BCAS3: variants seen among roughly 807,000 people sequenced by gnomAD.
BCAS3 encodes BCAS3 microtubule associated cell migration factor.
Under a neutral mutation model 116.1 loss-of-function variants are expected in BCAS3, and 53 were observed. That is an observed-to-expected ratio of 0.46 (90% CI 0.37 to 0.57). The LOEUF (loss-of-function observed/expected upper bound fraction) is 0.57. BCAS3 is among the 20% of genes least tolerant of loss of function. The pLI is 0.00. For missense variants in BCAS3, 917 were observed against 1,165.4 expected (o/e 0.79, Z 3.10); for synonymous variants, 391 against 408.2 (o/e 0.96, Z 0.51).
At chr17:60,852,757 A>G (rs1174644852) in intron 7 of BCAS3, among the ~76,000 whole-genome samples, 1 of 152,236 alleles carries the variant, frequency 6.6e-6, no homozygotes, top group Non-Finnish European at 1.5e-5. Flanking sequence ...ATTGGATACC[A>G]CAGTTTTAAA....
chr17:60,937,498 G>A (rs1428605385), intron 13 of BCAS3, among the ~76,000 whole-genome samples: 7 of 151,748 alleles, frequency 4.6e-5, no homozygotes, highest in African/African-American at 1.5e-4. Context: ...TTAAGTATAC[G>A]GCTTGTTGAA....
At chr17:60,877,037 A>G (rs1367437970) in intron 9 of BCAS3, among the ~76,000 whole-genome samples, 1 of 152,136 alleles carries the variant, frequency 6.6e-6, no homozygotes, top group Non-Finnish European at 1.5e-5. Context: ...AATGTTTGTG[A>G]TAACAGTATG....
At chr17:61,360,885 A>C (rs995711638) in intron 22 of BCAS3, among the ~76,000 whole-genome samples, 1 of 152,230 alleles carries the variant, frequency 6.6e-6, no homozygotes, top group Non-Finnish European at 1.5e-5. Context: ...TGCAGTGAGA[A>C]AGTAACAAGA....
At chr17:60,819,174 A>T (rs1327792928) in intron 7 of BCAS3, among the ~76,000 whole-genome samples, 1 of 152,112 alleles carries the variant, frequency 6.6e-6, no homozygotes, top group Non-Finnish European at 1.5e-5. Flanking sequence ...ATTTTTCATG[A>T]CCCCAGTTCA....
At chr17:60,970,220 G>T (rs1369277810) in intron 14 of BCAS3, among the ~76,000 whole-genome samples, 1 of 152,088 alleles carries the variant, frequency 6.6e-6, no homozygotes, top group East Asian at 1.9e-4. Flanking sequence ...GGTATATGGA[G>T]CTGTACTATT....
At chr17:60,789,505 T>C (rs1169076873) in intron 6 of BCAS3, among the ~76,000 whole-genome samples, 1 of 152,220 alleles carries the variant, frequency 6.6e-6, no homozygotes, top group African/African-American at 2.4e-5. Flanking sequence ...TTTAGTGTTA[T>C]AGGACAGAAT....
In BCAS3 at chr17:61,226,609, C is replaced by T. The variant is rs2082385226; in HGVS notation, c.2426-141718C>T. Among the ~76,000 whole-genome samples the T allele has an allele frequency of 6.6e-6, 1 of 152,136 alleles. No individual in the cohort carries two copies. Among genetic ancestry groups the T allele is most frequent in the Non-Finnish European group, 1.5e-5 (1 of 68,004 alleles). The stretch of plus-strand genomic sequence containing the variant: ...TAGATTTTAAGGGTTAGAATTTTTT[C>T]AGGGTGATCTTTTTTGTTCAGATGC... On this transcript the variant is annotated intron_variant, in intron 22 of 23. Coordinates refer to ENST00000407086, the MANE Select transcript of BCAS3 (RefSeq NM_017679.5). The surrounding 1 kb of genome is among the most constrained non-coding windows in gnomAD (Gnocchi z 6.0).
chr17:61,273,212 G>C (rs758288318), intron 22 of BCAS3, among the ~76,000 whole-genome samples: 1 of 151,130 alleles, frequency 6.6e-6, no homozygotes, highest in Admixed American at 6.6e-5. Flanking sequence ...GAGCTCAAGC[G>C]ATCCTCCCAC....
rs977054727 is a variant in BCAS3 at position 61,224,809 on chromosome 17, G to T, written c.2425+140245G>T. 3.9e-5 allele frequency among the ~76,000 whole-genome samples: 6 copies of T among 152,204 alleles called. No homozygotes were observed. The highest frequency in any genetic ancestry group is 1.4e-4 in the African/African-American group (6 of 41,452). ...TTAATCAATATAAAAATAGACTGAAGTACTTTTAGCACATTTGGCTTCAGC... is the reference window on the plus strand; with the variant it reads ...TTAATCAATATAAAAATAGACTGAATTACTTTTAGCACATTTGGCTTCAGC... On this transcript the variant is annotated intron_variant, in intron 22 of 23. Transcript: ENST00000407086. The surrounding 1 kb of genome is among the most constrained non-coding windows in gnomAD (Gnocchi z 5.7).
At chr17:61,218,177 C>T (rs1370874799) in intron 22 of BCAS3, among the ~76,000 whole-genome samples, 6 of 152,214 alleles carry the variant, frequency 3.9e-5, no homozygotes, top group Non-Finnish European at 8.8e-5. Flanking sequence ...GAGCTGACTA[C>T]ACTGACTTTC....
At chr17:60,853,295 C>T (rs1321822978) in intron 7 of BCAS3, among the ~76,000 whole-genome samples, 1 of 152,062 alleles carries the variant, frequency 6.6e-6, no homozygotes, top group Non-Finnish European at 1.5e-5. Flanking sequence ...CTTTTATTCA[C>T]ATTTGTTTGT....
chr17:60,806,054 TA>T (rs577097877), intron 6 of BCAS3, among the ~76,000 whole-genome samples: 254 of 151,272 alleles, frequency 1.7e-3, no homozygotes, highest in Admixed American at 4.1e-3. Flanking sequence ...TTTTTTTTTT[TA>T]AACTAGAGAT....
At chr17:60,847,793 C>T (rs1427084598) in intron 7 of BCAS3, among the ~76,000 whole-genome samples, 1 of 151,848 alleles carries the variant, frequency 6.6e-6, no homozygotes, top group East Asian at 1.9e-4. Context: ...TTGTGGTTTT[C>T]TTTTTACTTT....
At chr17:60,826,574 T>G (rs536432913) in intron 7 of BCAS3, among the ~76,000 whole-genome samples, 25 of 152,322 alleles carry the variant, frequency 1.6e-4, no homozygotes, top group African/African-American at 6.0e-4. Flanking sequence ...AAGGTTTGCT[T>G]CTATACTGTC....
At chr17:61,052,968 C>T (rs1482620586) in intron 19 of BCAS3, among the ~76,000 whole-genome samples, 4 of 151,962 alleles carry the variant, frequency 2.6e-5, no homozygotes, top group Admixed American at 1.3e-4. Flanking sequence ...CTGCCCGCCT[C>T]GGCCTCCCAA....
chr17:61,359,773 G>A (rs1347295867), intron 22 of BCAS3, among the ~76,000 whole-genome samples: 6 of 152,182 alleles, frequency 3.9e-5, no homozygotes, highest in African/African-American at 1.4e-4. Context: ...TTAAAGGCGT[G>A]AGCCACTGCG....
chr17:60,863,459 A>G (rs1448320658), intron 7 of BCAS3, among the ~76,000 whole-genome samples: 1 of 152,100 alleles, frequency 6.6e-6, no homozygotes, highest in African/African-American at 2.4e-5. Context: ...TATAAAAGTT[A>G]TGTTTGGCTA....
intron 5 of BCAS3, among the ~76,000 whole-genome samples, chr17:60,732,071 G>A (rs1484647848): frequency 2.6e-5 from 4 of 151,846 alleles, no homozygotes; most frequent in African/African-American, 7.3e-5. Context: ...CACCGCGCCC[G>A]GCCAGCCCTC....
intron 6 of BCAS3, among the ~76,000 whole-genome samples, chr17:60,800,827 T>C (rs1488099080): frequency 1.3e-5 from 2 of 152,182 alleles, no homozygotes; most frequent in Admixed American, 1.3e-4. Flanking sequence ...TTGACTATTC[T>C]TCCTCCATTG....
Sources: gnomAD v4.1 joint callset for allele counts (sites outside exome capture counted in the v4.1 genomes callset) on GRCh38, gnomAD v4.1.1 for gene constraint, Gnocchi (gnomAD v3.1) non-coding constraint, MANE v1.5 for transcripts, NCBI Gene and HGNC (gene_info 2026-07-23, HGNC 2026-07-21) for gene names.